ADAMTS16: variants seen among roughly 807,000 people sequenced by gnomAD.
ADAMTS16 encodes ADAM metallopeptidase with thrombospondin type 1 motif 16, also known as A disintegrin and metalloproteinase with thrombospondin motifs 16.
In ADAMTS16, 94 loss-of-function variants were observed where a neutral mutation model predicts 145.8. The observed-to-expected ratio is 0.64, with a 90% confidence interval of 0.55 to 0.77. The LOEUF (loss-of-function observed/expected upper bound fraction) is 0.77. Among genes scored for constraint, ADAMTS16 ranks in the 30% least tolerant of loss-of-function variants. The pLI is 0.00. For synonymous variants in ADAMTS16, 659 were observed against 604.3 expected (o/e 1.09, Z -1.33); for missense variants, 1,585 against 1,591.5 (o/e 1.00, Z 0.07).
chr5:5,241,810 A>C lies in ADAMTS16; in HGVS notation c.2524-243A>C, dbSNP rs2081851. Among the ~76,000 whole-genome samples, 1,150 of 145,350 alleles carry C rather than the reference A, an allele frequency of 7.9e-3. 7 individuals are homozygous for C. Among genetic ancestry groups the C allele is most frequent in the African/African-American group, 0.018 (692 of 38,858 alleles). The stretch of plus-strand genomic sequence containing the variant: ...GTTGCAAAAGTGTTTGAAGTTTTAC[A>C]TGCGGGCATACACTAACTGTAAGGA... On this transcript the variant is annotated intron_variant, in intron 16 of 22. Coordinates refer to ENST00000274181, the MANE Select transcript of ADAMTS16 (RefSeq NM_139056.4).
chr5:5,313,779 C>T (rs1414180255), intron 21 of ADAMTS16, among the ~76,000 whole-genome samples: 4 of 152,374 alleles, frequency 2.6e-5, no homozygotes, highest in South Asian at 2.1e-4. Context: ...CATGTGCCTG[C>T]GTGTGTACGC....
In ADAMTS16 at chr5:5,310,084, A is replaced by G. The variant is rs1740360024; in HGVS notation, c.3411+3356A>G. Among the ~76,000 whole-genome samples, 1 of 152,156 alleles carries G rather than the reference A, an allele frequency of 6.6e-6. No individual in the cohort carries two copies. Among genetic ancestry groups the G allele is most frequent in the Non-Finnish European group, 1.5e-5 (1 of 68,028 alleles). On this transcript the variant is annotated intron_variant, in intron 21 of 22. Coordinates refer to ENST00000274181, the MANE Select transcript of ADAMTS16 (RefSeq NM_139056.4). The surrounding 1 kb of genome is among the most constrained non-coding windows in gnomAD (Gnocchi z 4.3). ...GGCAGAGGAGTGCAGAAATTAGTGC[A>G]GGTGCCTGTTGGGCAGCCGGGGTCA...
chr5:5,177,186 T>C (rs1365863146), intron 3 of ADAMTS16, among the ~76,000 whole-genome samples: 1 of 152,248 alleles, frequency 6.6e-6, no homozygotes, highest in Non-Finnish European at 1.5e-5. Context: ...TGATGGATTA[T>C]GATGATGGGA....
intron 17 of ADAMTS16, among the ~76,000 whole-genome samples, chr5:5,259,664 T>C (rs1737931208): frequency 6.6e-6 from 1 of 152,164 alleles, no homozygotes; most frequent in African/African-American, 2.4e-5. Flanking sequence ...AATCATCAAT[T>C]GAGTATTCAT....
chr5:5,245,976 A>T (rs1035535831), intron 17 of ADAMTS16, among the ~76,000 whole-genome samples: 1 of 152,190 alleles, frequency 6.6e-6, no homozygotes, highest in African/African-American at 2.4e-5. Context: ...ATAAAACTCA[A>T]ATAGGGAAAC....
intron 18 of ADAMTS16, among the ~76,000 whole-genome samples, chr5:5,298,492 G>GC (rs11411543): frequency 0.74 from 112,394 of 152,106 alleles, 41,931 homozygotes; most frequent in South Asian, 0.82. Context: ...AGGATGGCAA[G>GC]TAATAAGGCC....
chr5:5,266,003 T>C (rs1720855991), intron 18 of ADAMTS16, among the ~76,000 whole-genome samples: 1 of 151,518 alleles, frequency 6.6e-6, no homozygotes, highest in Non-Finnish European at 1.5e-5. Context: ...TGTGTGTGTG[T>C]GTGTGTGTGT....
chr5:5,215,617 G>T (rs1579316584), intron 10 of ADAMTS16, among the ~76,000 whole-genome samples: 1 of 150,420 alleles, frequency 6.6e-6, no homozygotes, highest in African/African-American at 2.5e-5. Context: ...TACTTCACTT[G>T]GAATAATAGT....
At chr5:5,229,701 A>G (rs1736870711) in intron 11 of ADAMTS16, among the ~76,000 whole-genome samples, 1 of 152,084 alleles carries the variant, frequency 6.6e-6, no homozygotes, top group Non-Finnish European at 1.5e-5. Context: ...ACATTAGCAT[A>G]TTTTTCTTTA....
At chr5:5,318,971 A>C (rs1734168959) in intron 22 of ADAMTS16, 52 bp from the exon 23 acceptor site, 1 of 1,351,340 alleles carries the variant, frequency 7.4e-7, no homozygotes, top group Non-Finnish European at 1.0e-6. Context: ...AGCTGGCAAC[A>C]TCAGTCGCTG....
At chr5:5,237,310 C>T (rs957585191) in intron 14 of ADAMTS16, among the ~76,000 whole-genome samples, 1 of 152,114 alleles carries the variant, frequency 6.6e-6, no homozygotes, top group African/African-American at 2.4e-5. Flanking sequence ...GGGAGGGGCC[C>T]GTTCTGTCTT....
intron 17 of ADAMTS16, among the ~76,000 whole-genome samples, chr5:5,247,984 T>G (rs1737502958): frequency 6.6e-6 from 1 of 152,244 alleles, no homozygotes; most frequent in Admixed American, 6.5e-5. Context: ...CTTTGAGCTA[T>G]CTTCCCTCTT....
rs375158662 is a variant in ADAMTS16, at chr5:5,237,120, A to G, written c.2154+21A>G. The G allele has an allele frequency of 3.7e-6, 6 of 1,610,852 alleles. No individual in the cohort carries two copies. The African/African-American group carries it at 8.0e-5, about 22-fold the overall frequency. On this transcript the variant is annotated intron_variant, in intron 14 of 22. Transcript: ENST00000274181. ...GTGAGGTAATCATGATCCTTCATTCATTCAACAAATGATTCCGGACAGTCT... is the reference window on the plus strand; with the variant it reads ...GTGAGGTAATCATGATCCTTCATTCGTTCAACAAATGATTCCGGACAGTCT...
intron 10 of ADAMTS16, among the ~76,000 whole-genome samples, chr5:5,221,042 A>G (rs1736591531): frequency 6.6e-6 from 1 of 151,974 alleles, no homozygotes; most frequent in African/African-American, 2.4e-5. Context: ...GGGCTGCTCA[A>G]TCTCTCTCCC....
intron 11 of ADAMTS16, chr5:5,223,724 A>G (rs921412203): frequency 2.0e-5 from 3 of 152,176 alleles, no homozygotes; most frequent in African/African-American, 7.2e-5. Flanking sequence ...AACTTTAAAA[A>G]ATTATAATAC....
At chr5:5,203,243 AT>A (rs1736008210) in intron 9 of ADAMTS16, among the ~76,000 whole-genome samples, 1 of 152,196 alleles carries the variant, frequency 6.6e-6, no homozygotes, top group Non-Finnish European at 1.5e-5. Flanking sequence ...ATTAAGATTC[AT>A]TTTACTCGAA....
chr5:5,264,868 G>A (rs1738177173), intron 18 of ADAMTS16, among the ~76,000 whole-genome samples: 1 of 152,270 alleles, frequency 6.6e-6, no homozygotes, highest in South Asian at 2.1e-4. Context: ...TGTCAGCCAG[G>A]GCCTGTGGAG....
chr5:5,271,303 G>A (rs979884022), intron 18 of ADAMTS16, among the ~76,000 whole-genome samples: 2 of 152,146 alleles, frequency 1.3e-5, no homozygotes, highest in Admixed American at 6.5e-5. Context: ...GTGCAGCCTC[G>A]GCCAGCAGGA....
chr5:5,219,304 T>C (rs1293204065), intron 10 of ADAMTS16, among the ~76,000 whole-genome samples: 1 of 152,240 alleles, frequency 6.6e-6, no homozygotes, highest in African/African-American at 2.4e-5. Flanking sequence ...CGTCACCCTA[T>C]GGCCCTACTA....
Sources: gnomAD v4.1 joint callset for allele counts (sites outside exome capture counted in the v4.1 genomes callset) on GRCh38, gnomAD v4.1.1 for gene constraint, Gnocchi (gnomAD v3.1) non-coding constraint, MANE v1.5 for transcripts, NCBI Gene and HGNC (gene_info 2026-07-23, HGNC 2026-07-21) for gene names.